Variants in CLTB observed in about 807,000 individuals in gnomAD.
The protein encoded by CLTB is clathrin, light chain (Lcb).
In CLTB, 10 loss-of-function variants were observed where a neutral mutation model predicts 30.5. The observed-to-expected ratio is 0.33, with a 90% CI of 0.20 to 0.56. The LOEUF (loss-of-function observed/expected upper bound fraction) is 0.56, where lower values mean the gene tolerates loss of function less well. Ranked by LOEUF, CLTB falls within the 20% of genes least tolerant of loss-of-function variation. The pLI, the probability that CLTB is intolerant of heterozygous loss-of-function variation, is 0.91. For synonymous variants in CLTB, 102 were observed against 120.3 expected (o/e 0.85, Z 1.00); for missense variants, 261 against 308.3 (o/e 0.85, Z 1.15).
chr5:176,395,482 T>C (rs56015702), intron 5 of CLTB, among the ~76,000 whole-genome samples: 64,167 of 152,136 alleles, frequency 0.42, 14,076 homozygotes, highest in African/African-American at 0.55. Context: ...CTCTGTGCCC[T>C]GTGAGAGGAG....
chr5:176,392,864 G>C lies in CLTB; in HGVS notation c.600C>G (p.Asp200Glu). The change falls in exon 6 of 6, where the codon GAC becomes GAG. Residue 200 changes from aspartate (D) to glutamate (E), a missense_variant. By Grantham distance (45) the Asp-to-Glu change is conservative (BLOSUM62 2). Transcript: ENST00000310418. This position sits in a 1 kb window ranked among gnomAD's most constrained non-coding sequence, Gnocchi z 5.2. ...ACTGCTTGCTGCTCTTGGGGTTGAA[G>C]TCACATAGCTGGGCCACCTTCTCCC... is the stretch of plus-strand genomic sequence containing the variant. Reference protein sequence around the residue: ...TEWEKVAQLCDFNPKSSKQCK... With the variant: ...TEWEKVAQLCEFNPKSSKQCK... 1.2e-6 allele frequency: 2 copies of C among 1,614,252 alleles called. No individual in the cohort carries two copies. The highest frequency in any genetic ancestry group is 1.7e-6 in the Non-Finnish European group (2 of 1,180,044).
chr5:176,396,912 T>C (rs763398768), intron 4 of CLTB, among the ~76,000 whole-genome samples: 11 of 152,052 alleles, frequency 7.2e-5, no homozygotes, highest in Non-Finnish European at 1.3e-4. Flanking sequence ...TCACATTTTT[T>C]TCTTCGTACC....
chr5:176,395,697 A>G (rs1273297281), intron 5 of CLTB, among the ~76,000 whole-genome samples: 2 of 152,062 alleles, frequency 1.3e-5, no homozygotes, highest in Non-Finnish European at 2.9e-5. Flanking sequence ...GAAACATGTG[A>G]GGGGGCCTGT....
At position 176,416,422 on chromosome 5, in the gene CLTB, C is replaced by A. The variant is rs945294751; in HGVS notation, c.-59G>T. On this transcript the variant is annotated 5_prime_UTR_variant, in exon 1 of 6. Coordinates refer to ENST00000310418, the MANE Select transcript of CLTB (RefSeq NM_007097.5). ...CTCGGCTCTGCCCGCGCCTGCCCCG[C>A]GCTGCGTCCGGCGGCCGCGACGCTG... The A allele has an allele frequency of 2.9e-6, 4 of 1,372,626 alleles. No individual in the cohort carries two copies. Among genetic ancestry groups the A allele is most frequent in the South Asian group, 1.8e-5 (1 of 55,770 alleles). The allele number at this position is 1,372,626 out of a possible 1,614,324, so 85.0% of individuals were successfully genotyped here.
At chr5:176,403,512 T>C (rs889851858) in intron 2 of CLTB, among the ~76,000 whole-genome samples, 2 of 152,094 alleles carry the variant, frequency 1.3e-5, no homozygotes, top group African/African-American at 4.8e-5. Flanking sequence ...TGGAGTGCAG[T>C]GACGTGATCT....
chr5:176,398,706 C>A (rs1389889195), intron 2 of CLTB, among the ~76,000 whole-genome samples: 1 of 151,936 alleles, frequency 6.6e-6, no homozygotes, highest in Non-Finnish European at 1.5e-5. Flanking sequence ...GAGCAAAACC[C>A]CGTCTCAAAA....
intron 2 of CLTB, among the ~76,000 whole-genome samples, chr5:176,409,996 T>A (rs1561800574): frequency 1.3e-5 from 2 of 152,094 alleles, no homozygotes; most frequent in Non-Finnish European, 2.9e-5. Context: ...CCACTTGACC[T>A]CTCCCTCCCA....
intron 3 of CLTB, 54 bp downstream of exon 3, chr5:176,397,876 A>ACTCC (rs1756623747): frequency 6.6e-7 from 1 of 1,521,456 alleles, no homozygotes; most frequent in Admixed American, 1.7e-5. Flanking sequence ...GACTCCCCAC[A>ACTCC]CTCCACCCCA....
Position 176,393,031 on chromosome 5 carries a change from T to C in CLTB, c.519-86A>G. ...AGCAAGGCTGCTTTGCCCAGCCTAC[T>C]CTGGGGCACTGTGTCCTCCCCAGCC... On this transcript the variant is annotated intron_variant, in intron 5 of 5. Coordinates refer to ENST00000310418, the MANE Select transcript of CLTB (RefSeq NM_007097.5). The surrounding 1 kb of genome is among the most constrained non-coding windows in gnomAD (Gnocchi z 4.4). The C allele has an allele frequency of 6.9e-7, 1 of 1,447,982 alleles. No homozygotes were observed. The allele number at this position is 1,447,982 out of a possible 1,614,324, so 89.7% of individuals were successfully genotyped here.
intron 2 of CLTB, chr5:176,406,117 G>T (rs945903336): frequency 2.0e-6 from 2 of 981,266 alleles, no homozygotes; most frequent in Non-Finnish European, 2.4e-6. Context: ...CCTTGCCAGT[G>T]ACAGTGTCAC....
rs143117575 is a variant in CLTB, at chr5:176,393,860, G to A, written c.519-915C>T. On this transcript the variant is annotated intron_variant, in intron 5 of 5. Coordinates refer to ENST00000310418, the MANE Select transcript of CLTB (RefSeq NM_007097.5). This position sits in a 1 kb window ranked among gnomAD's most constrained non-coding sequence, Gnocchi z 4.4. ...GAAAGACAATAAGGGATTCTTAGGT[G>A]AGGAGAGCTGGGTCTATGTCCTGTT... 0.015 allele frequency among the ~76,000 whole-genome samples: 2,300 copies of A among 152,334 alleles called. 13 individuals carry two copies. The highest frequency in any genetic ancestry group is 0.023 in the Non-Finnish European group (1,567 of 68,030).
Position 176,416,287 on chromosome 5 carries a change from G to T in CLTB, c.77C>A (p.Ala26Asp), listed in dbSNP as rs1439606470. Residue 26 changes from alanine to aspartate, a missense_variant, in exon 1 of 6, where the codon GCC (alanine) becomes GAC (aspartate). By Grantham distance (126) the Ala-to-Asp change is moderately radical. This residue lies in a region of CLTB where 113 missense variants were observed against 102.5 expected (regional missense o/e 1.10). Transcript: ENST00000310418. ...PEAAEEDPAA[A>D]FLAQQESEIA... ...CTCGCTCTCCTGCTGGGCCAGGAAG[G>T]CGGCCGCCGGGTCCTCCTCCGCCGC... is the stretch of plus-strand genomic sequence containing the variant. 8 of 1,606,098 alleles carry T rather than the reference G, an allele frequency of 5.0e-6. No individual in the cohort carries two copies. Among genetic ancestry groups the T allele is most frequent in the Non-Finnish European group, 5.9e-6 (7 of 1,177,584 alleles).
Position 176,392,650 on chromosome 5 carries a change from A to G in CLTB, c.*124T>C. 2 of 1,133,624 alleles carry G rather than the reference A, an allele frequency of 1.8e-6. No homozygotes were observed. The highest frequency in any genetic ancestry group is 2.5e-6 in the Non-Finnish European group (2 of 793,408). 70.2% of individuals were successfully genotyped at this position (1,133,624 alleles called of 1,614,324 possible). A position where few individuals can be genotyped will look rare whatever the true frequency, so the allele number is the denominator to read the frequency against. On this transcript the variant is annotated 3_prime_UTR_variant, in exon 6 of 6. Coordinates refer to ENST00000310418, the MANE Select transcript of CLTB (RefSeq NM_007097.5). The surrounding 1 kb of genome is among the most constrained non-coding windows in gnomAD (Gnocchi z 5.2). The stretch of plus-strand genomic sequence containing the variant: ...TGAGGGCCCCCCTCCCAGCGCCTGG[A>G]GATGGGGAGGAGTGGAATAGGCTGT...
intron 5 of CLTB, among the ~76,000 whole-genome samples, chr5:176,394,936 G>C (rs1756448492): frequency 6.6e-6 from 1 of 152,088 alleles, no homozygotes; most frequent in African/African-American, 2.4e-5. Flanking sequence ...GTATTCCACA[G>C]CACCCATGCC....
chr5:176,409,097 C>T (rs1003727498), intron 2 of CLTB, among the ~76,000 whole-genome samples: 4 of 152,080 alleles, frequency 2.6e-5, no homozygotes, highest in African/African-American at 9.7e-5. Context: ...CTGCCTCAGC[C>T]TCCCAAGTAG....
upstream of CLTB, chr5:176,416,557 G>T (rs1358319305): frequency 1.1e-5 from 3 of 284,244 alleles, no homozygotes; most frequent in Non-Finnish European, 1.8e-5. Context: ...GGGCGCCGCG[G>T]CGGGAGGAGC....
At chr5:176,396,342 G>T in intron 5 of CLTB, 137 bp downstream of exon 5, 1 of 792,430 alleles carries the variant, frequency 1.3e-6, no homozygotes, top group Non-Finnish European at 2.2e-6. Context: ...GCACCCACCA[G>T]GGCATTTGCC....
At chr5:176,401,387 C>T (rs1444221731) in intron 2 of CLTB, among the ~76,000 whole-genome samples, 2 of 152,246 alleles carry the variant, frequency 1.3e-5, no homozygotes, top group African/African-American at 4.8e-5. Context: ...CTGACCACCA[C>T]CCAATCCCCA....
chr5:176,409,989 C>T (rs1757345791), intron 2 of CLTB, among the ~76,000 whole-genome samples: 1 of 152,168 alleles, frequency 6.6e-6, no homozygotes, highest in South Asian at 2.1e-4. Flanking sequence ...CTGTGGGCCA[C>T]TTGACCTCTC....
Sources: gnomAD v4.1 joint callset for allele counts (sites outside exome capture counted in the v4.1 genomes callset) on GRCh38, gnomAD v4.1.1 for gene constraint, gnomAD v4.1.1 regional missense constraint, Gnocchi (gnomAD v3.1) non-coding constraint, MANE v1.5 for transcripts, NCBI Gene and HGNC (gene_info 2026-07-23, HGNC 2026-07-21) for gene names.